UGT1A9: variants seen among roughly 807,000 people sequenced by gnomAD.
UGT1A9 encodes the protein UDP-glucuronosyltransferase 1A9.
In UGT1A9, 35 loss-of-function variants were observed where a neutral mutation model predicts 45.0. The ratio of observed to expected loss-of-function variants is 0.78; its 90% CI spans 0.59 to 1.03. The LOEUF (loss-of-function observed/expected upper bound fraction) is 1.03, where lower values mean the gene tolerates loss of function less well. Among genes scored for constraint, UGT1A9 ranks in the 50% least tolerant of loss-of-function variants. UGT1A9 has a pLI of 0.00. For missense variants in UGT1A9, 687 were observed against 666.6 expected, an observed-to-expected ratio of 1.03 and a Z score of -0.34; for synonymous variants, 278 against 250.6, an observed-to-expected ratio of 1.11 and a Z score of -1.03.
In UGT1A9 at chr2:233,739,254, G is replaced by T. The variant is rs1485037127; in HGVS notation, c.856-27780G>T. Among the ~76,000 whole-genome samples, 4 of 152,216 alleles carry T rather than the reference G, an allele frequency of 2.6e-5. No homozygotes were observed. In the East Asian group the frequency reaches 7.7e-4, roughly 29 times the overall value. ...ACCTCTGCTAGAGAAGGGTGGTAAA[G>T]AAATGTGAGGTTGGAGCCCCCACAC... On this transcript the variant is annotated intron_variant, in intron 1 of 4. Transcript: ENST00000354728.
intron 1 of UGT1A9, among the ~76,000 whole-genome samples, chr2:233,689,423 G>C (rs2074942211): frequency 6.6e-6 from 1 of 152,216 alleles, no homozygotes; most frequent in African/African-American, 2.4e-5. Flanking sequence ...CTAATGGCTT[G>C]CAAGTAAAGG....
intron 1 of UGT1A9, among the ~76,000 whole-genome samples, chr2:233,758,415 C>A (rs917812043): frequency 6.6e-6 from 1 of 152,194 alleles, no homozygotes; most frequent in African/African-American, 2.4e-5. Flanking sequence ...TGTCTATAAT[C>A]TGCAAATGAA....
intron 1 of UGT1A9, among the ~76,000 whole-genome samples, chr2:233,700,974 A>G (rs1575470189): frequency 6.6e-6 from 1 of 150,696 alleles, no homozygotes; most frequent in African/African-American, 2.4e-5. Flanking sequence ...GCGGTGTTTG[A>G]TTTTTTGTCC....
intron 1 of UGT1A9, chr2:233,760,629 G>C: frequency 1.2e-6 from 2 of 1,614,104 alleles, no homozygotes; most frequent in Non-Finnish European, 1.7e-6. Context: ...AAACATACAA[G>C]AAAATAAAAA....
intron 1 of UGT1A9, chr2:233,682,126 T>C (rs1416949320): frequency 1.9e-6 from 3 of 1,614,070 alleles, no homozygotes; most frequent in Non-Finnish European, 2.5e-6. Flanking sequence ...CAGAGGTGAG[T>C]TGGCAACTGG....
intron 1 of UGT1A9, chr2:233,729,300 A>G (rs143500969): frequency 9.7e-5 from 156 of 1,614,266 alleles, no homozygotes; most frequent in East Asian, 1.6e-4. Flanking sequence ...GCCACCAGGC[A>G]GTGGTCCTCA....
intron 1 of UGT1A9, chr2:233,729,964 A>G: frequency 6.2e-7 from 1 of 1,614,074 alleles, no homozygotes; most frequent in East Asian, 2.2e-5. Context: ...TGGGGGCATC[A>G]ACTGTGCCAA....
chr2:233,739,782 C>T (rs1351387026), intron 1 of UGT1A9, among the ~76,000 whole-genome samples: 1 of 152,030 alleles, frequency 6.6e-6, no homozygotes, highest in Non-Finnish European at 1.5e-5. Context: ...TGAGTTAAGA[C>T]TTTGGAGGAC....
chr2:233,727,005 A>C (rs937597843), intron 1 of UGT1A9, among the ~76,000 whole-genome samples: 3 of 152,154 alleles, frequency 2.0e-5, no homozygotes, highest in African/African-American at 4.8e-5. Context: ...GCAAAGTTTT[A>C]TCATTTGTTG....
At chr2:233,755,745 G>A (rs1342193963) in intron 1 of UGT1A9, 2 of 152,826 alleles carry the variant, frequency 1.3e-5, no homozygotes, top group Non-Finnish European at 2.9e-5. Context: ...TTCCAGCCCC[G>A]GTGCCCATTT....
chr2:233,687,101 G>A (rs6736508), intron 1 of UGT1A9, among the ~76,000 whole-genome samples: 59,808 of 152,056 alleles, frequency 0.39, 11,951 homozygotes, highest in South Asian at 0.45. Flanking sequence ...TGACACTTGC[G>A]TAAACTTGGG....
intron 1 of UGT1A9, among the ~76,000 whole-genome samples, chr2:233,733,426 T>C (rs1228976842): frequency 1.3e-5 from 2 of 152,226 alleles, no homozygotes; most frequent in African/African-American, 4.8e-5. Context: ...GCCTACTCAG[T>C]ATGATATTGG....
chr2:233,761,973 C>T (rs557947533), intron 1 of UGT1A9, among the ~76,000 whole-genome samples: 2 of 152,314 alleles, frequency 1.3e-5, no homozygotes, highest in East Asian at 3.9e-4. Flanking sequence ...ACTGATATCA[C>T]CTTCGGAGGT....
At chr2:233,684,946 ATCTG>A (rs1416123749) in intron 1 of UGT1A9, among the ~76,000 whole-genome samples, 6 of 140,222 alleles carry the variant, frequency 4.3e-5, no homozygotes, top group Admixed American at 6.9e-5. Flanking sequence ...TCTGCATTTC[ATCTG>A]TCTGATGAAA....
intron 1 of UGT1A9, among the ~76,000 whole-genome samples, chr2:233,710,956 G>C (rs953635431): frequency 6.6e-6 from 1 of 152,214 alleles, no homozygotes. Context: ...ATGTCTCTGA[G>C]ATTGGCAGAG....
At chr2:233,743,956 G>C in intron 1 of UGT1A9, 2 of 1,338,248 alleles carry the variant, frequency 1.5e-6, no homozygotes, top group Non-Finnish European at 2.0e-6. Flanking sequence ...CTGGCACAGC[G>C]AGCGGCAAGG....
At chr2:233,682,873 A>G (rs1025684504) in intron 1 of UGT1A9, 2 of 1,521,660 alleles carry the variant, frequency 1.3e-6, no homozygotes, top group Non-Finnish European at 1.8e-6. Flanking sequence ...ATAATTTATC[A>G]TTTACATTTG....
At chr2:233,742,146 G>A (rs1312882014) in intron 1 of UGT1A9, among the ~76,000 whole-genome samples, 1 of 151,928 alleles carries the variant, frequency 6.6e-6, no homozygotes, top group Admixed American at 6.5e-5. Context: ...AGCAGCGCTA[G>A]ACGAATTAAA....
chr2:233,710,732 C>T (rs1375598699), intron 1 of UGT1A9, among the ~76,000 whole-genome samples: 1 of 152,164 alleles, frequency 6.6e-6, no homozygotes, highest in Non-Finnish European at 1.5e-5. Context: ...AAAACAACGT[C>T]TTTCAAGGAG....
Sources: gnomAD v4.1 joint callset for allele counts (sites outside exome capture counted in the v4.1 genomes callset) on GRCh38, gnomAD v4.1.1 for gene constraint, MANE v1.5 for transcripts, NCBI Gene and HGNC (gene_info 2026-07-23, HGNC 2026-07-21) for gene names.